Variants in GMDS observed in about 807,000 individuals in gnomAD.
GMDS encodes the protein GDP-mannose 4,6-dehydratase.
In GMDS, 20 loss-of-function variants were observed where a neutral mutation model predicts 49.9. The observed-to-expected ratio is 0.40, with a 90% CI of 0.28 to 0.58. The LOEUF is 0.58. GMDS is among the 20% of genes least tolerant of loss of function. GMDS has a pLI of 0.42. For synonymous variants in GMDS, 177 were observed against 178.6 expected (o/e 0.99, Z 0.07); for missense variants, 362 against 481.4 (o/e 0.75, Z 2.32).
intron 9 of GMDS, among the ~76,000 whole-genome samples, chr6:1,658,351 C>G (rs1402559033): frequency 6.6e-6 from 1 of 152,274 alleles, no homozygotes. Flanking sequence ...TTCCCGAAGG[C>G]TTTCCCACCT....
intron 1 of GMDS, among the ~76,000 whole-genome samples, chr6:2,192,735 T>C (rs1297679502): frequency 1.3e-5 from 2 of 152,226 alleles, no homozygotes; most frequent in African/African-American, 4.8e-5. Context: ...CATGTCTGAC[T>C]GTGCAGTAGC....
At chr6:2,031,088 T>C (rs1388271164) in intron 4 of GMDS, among the ~76,000 whole-genome samples, 2 of 152,162 alleles carry the variant, frequency 1.3e-5, no homozygotes, top group African/African-American at 4.8e-5. Context: ...CAAACAATGG[T>C]TCTCACACTT....
chr6:1,912,452 G>C (rs1225974719), intron 7 of GMDS, among the ~76,000 whole-genome samples: 1 of 152,148 alleles, frequency 6.6e-6, no homozygotes, highest in Non-Finnish European at 1.5e-5. Context: ...ATAGGTAACA[G>C]GTTAAACACT....
In GMDS at chr6:1,895,170, G is replaced by A. The variant is rs570080598; in HGVS notation, c.771+34933C>T. 2.3e-3 allele frequency among the ~76,000 whole-genome samples: 346 copies of A among 152,248 alleles called. 8 individuals are homozygous for A. The highest frequency in any genetic ancestry group is 0.022 in the Admixed American group (342 of 15,286). ...CAACGAGTTTGGGGAGTGCCTGAGGGTGTGGTACCTGGCTTGCTTGCCCTT... is the reference window on the plus strand; with the variant it reads ...CAACGAGTTTGGGGAGTGCCTGAGGATGTGGTACCTGGCTTGCTTGCCCTT... On this transcript the variant is annotated intron_variant, in intron 7 of 10. Coordinates refer to ENST00000380815, the MANE Select transcript of GMDS (RefSeq NM_001500.4).
intron 9 of GMDS, among the ~76,000 whole-genome samples, chr6:1,628,228 C>A (rs1762901264): frequency 6.6e-6 from 1 of 152,230 alleles, no homozygotes; most frequent in Non-Finnish European, 1.5e-5. Context: ...TGTTTCTGAG[C>A]CCACAGTAGT....
rs139459781 is a variant in GMDS, at chr6:1,906,589, C to G, written c.771+23514G>C. On this transcript the variant is annotated intron_variant, in intron 7 of 10. Transcript: ENST00000380815. ...ACTCTTTTCACATCTCTATGATACT[C>G]TAGTTTTTCAAAGAAATTCTCAAGA... Among the ~76,000 whole-genome samples the G allele has an allele frequency of 3.8e-3, 582 of 152,262 alleles. 4 individuals carry two copies. Among genetic ancestry groups the G allele is most frequent in the African/African-American group, 0.013 (536 of 41,538 alleles).
chr6:1,718,033 T>C (rs763297224), intron 9 of GMDS, among the ~76,000 whole-genome samples: 43 of 152,210 alleles, frequency 2.8e-4, no homozygotes, highest in Non-Finnish European at 5.3e-4. Context: ...AGTGCTTAGT[T>C]TGTGTATGCT....
At chr6:1,929,313 G>C (rs1762174691) in intron 7 of GMDS, among the ~76,000 whole-genome samples, 1 of 152,196 alleles carries the variant, frequency 6.6e-6, no homozygotes, top group Admixed American at 6.5e-5. Context: ...ACAAGGACAG[G>C]CTACTCCAGG....
chr6:1,748,884 C>T (rs555793813), intron 7 of GMDS, among the ~76,000 whole-genome samples: 1 of 152,358 alleles, frequency 6.6e-6, no homozygotes, highest in Admixed American at 6.5e-5. Context: ...ATGATATGCA[C>T]AATGCATCTG....
intron 4 of GMDS, among the ~76,000 whole-genome samples, chr6:2,077,388 C>G (rs1344327451): frequency 6.6e-6 from 1 of 152,026 alleles, no homozygotes; most frequent in Non-Finnish European, 1.5e-5. Flanking sequence ...TTCAACTTTT[C>G]CCCATTCAGT....
At chr6:1,693,848 A>G (rs1377829006) in intron 9 of GMDS, among the ~76,000 whole-genome samples, 1 of 152,228 alleles carries the variant, frequency 6.6e-6, no homozygotes, top group African/African-American at 2.4e-5. Flanking sequence ...CCCTCCAAGT[A>G]GGCTGTGCTT....
At position 1,700,811 on chromosome 6, in the gene GMDS, G is replaced by A. The variant is rs76938647; in HGVS notation, c.987+25605C>T. Among the ~76,000 whole-genome samples, 239 of 152,258 alleles carry A rather than the reference G, an allele frequency of 1.6e-3. 1 individual carries two copies. Among genetic ancestry groups the A allele is most frequent in the African/African-American group, 5.5e-3 (230 of 41,542 alleles). On this transcript the variant is annotated intron_variant, in intron 9 of 10. Coordinates refer to ENST00000380815, the MANE Select transcript of GMDS (RefSeq NM_001500.4). ...AGGCTGAGCAGTCCACCTCCACCAA[G>A]AACAGGAATGCCTGACACTCAAAGG... is the stretch of plus-strand genomic sequence containing the variant.
intron 9 of GMDS, among the ~76,000 whole-genome samples, chr6:1,693,906 CTAT>C (rs1281316043): frequency 6.6e-6 from 1 of 152,116 alleles, no homozygotes; most frequent in Non-Finnish European, 1.5e-5. Context: ...AAAACAAATA[CTAT>C]GAGTTTTATT....
chr6:1,930,785 G>A (rs983546129), intron 6 of GMDS: 3 of 152,192 alleles, frequency 2.0e-5, no homozygotes, highest in African/African-American at 7.2e-5. Flanking sequence ...CAAAATAAGT[G>A]GTGATGGCTC....
intron 8 of GMDS, among the ~76,000 whole-genome samples, chr6:1,740,733 G>C (rs1445641735): frequency 6.6e-6 from 1 of 151,062 alleles, no homozygotes; most frequent in Non-Finnish European, 1.5e-5. Flanking sequence ...AAATAAAATA[G>C]AAGGCCAAAA....
At chr6:2,033,663 C>T (rs191731723) in intron 4 of GMDS, among the ~76,000 whole-genome samples, 93 of 152,242 alleles carry the variant, frequency 6.1e-4, no homozygotes, top group African/African-American at 2.1e-3. Flanking sequence ...AGGTGTTCAC[C>T]GCCATTGCTT....
intron 9 of GMDS, among the ~76,000 whole-genome samples, chr6:1,666,661 C>T (rs1253121433): frequency 6.6e-6 from 1 of 152,152 alleles, no homozygotes; most frequent in African/African-American, 2.4e-5. Context: ...ATGAAAAGGA[C>T]CCTTGGGATC....
At chr6:2,064,671 C>A (rs1771428035) in intron 4 of GMDS, among the ~76,000 whole-genome samples, 1 of 152,168 alleles carries the variant, frequency 6.6e-6, no homozygotes, top group Admixed American at 6.5e-5. Flanking sequence ...GACAGTTACA[C>A]TTCCCGACAC....
intron 8 of GMDS, among the ~76,000 whole-genome samples, chr6:1,740,514 G>T (rs938758770): frequency 7.3e-5 from 11 of 150,358 alleles, no homozygotes; most frequent in Admixed American, 1.3e-4. Flanking sequence ...CCAAGATCGT[G>T]CCACTGCACT....
Sources: gnomAD v4.1 joint callset for allele counts (sites outside exome capture counted in the v4.1 genomes callset) on GRCh38, gnomAD v4.1.1 for gene constraint, MANE v1.5 for transcripts, NCBI Gene and HGNC (gene_info 2026-07-23, HGNC 2026-07-21) for gene names.